Variants in DCHS2 observed in about 807,000 individuals in gnomAD.
The protein encoded by DCHS2 is dachsous cadherin-related 2, also known as protocadherin-23.
Under a neutral mutation model 182.4 loss-of-function variants are expected in DCHS2, and 142 were observed. That is an observed-to-expected ratio of 0.78 (90% CI 0.68 to 0.89). The LOEUF (loss-of-function observed/expected upper bound fraction) is 0.89. DCHS2 is among the 40% of genes least tolerant of loss of function. The pLI is 0.00. For missense variants in DCHS2, 4,319 were observed against 4,198.6 expected (o/e 1.03, Z -0.79); for synonymous variants, 1,740 against 1,663.3 (o/e 1.05, Z -1.12).
intron 16 of DCHS2, among the ~76,000 whole-genome samples, chr4:154,247,714 T>C (rs1732148768): frequency 1.3e-5 from 2 of 150,632 alleles, no homozygotes; most frequent in African/African-American, 4.9e-5. Flanking sequence ...AACACTGGGT[T>C]TCAGAGAATA....
intron 7 of DCHS2, 165 bp from the exon 8 acceptor site, chr4:154,322,653 TAA>T (rs1330538564): frequency 6.0e-6 from 6 of 1,006,680 alleles, no homozygotes; most frequent in Non-Finnish European, 8.1e-6. Context: ...CATCACTTTT[TAA>T]AAATTTTTAT....
chr4:154,403,247 T>C (rs933289712), intron 1 of DCHS2, among the ~76,000 whole-genome samples: 1 of 152,186 alleles, frequency 6.6e-6, no homozygotes, highest in Non-Finnish European at 1.5e-5. Context: ...TTCCTAATCT[T>C]AGGAGGAAAG....
chr4:154,354,191 G>A (rs892583755), intron 3 of DCHS2, among the ~76,000 whole-genome samples: 18 of 152,160 alleles, frequency 1.2e-4, no homozygotes, highest in Admixed American at 1.3e-4. Context: ...CTCCCAAAGT[G>A]TTAGGATTAC....
intron 3 of DCHS2, among the ~76,000 whole-genome samples, chr4:154,341,193 T>A (rs1468090076): frequency 6.6e-6 from 1 of 151,728 alleles, no homozygotes; most frequent in East Asian, 1.9e-4. Context: ...ACAGTGAAAC[T>A]CCGTCTCTCC....
intron 14 of DCHS2, among the ~76,000 whole-genome samples, chr4:154,267,170 CA>C (rs1444617222): frequency 5.3e-5 from 8 of 152,226 alleles, no homozygotes; most frequent in African/African-American, 1.7e-4. Context: ...TCCAGCATTA[CA>C]TTACATCCAG....
chr4:154,412,053 A>G (rs1397090120), intron 1 of DCHS2, among the ~76,000 whole-genome samples: 1 of 152,248 alleles, frequency 6.6e-6, no homozygotes, highest in Non-Finnish European at 1.5e-5. Context: ...AATTCTATGT[A>G]CTAATTTACT....
In DCHS2 at chr4:154,425,462, G is replaced by C. The variant is rs559012816; in HGVS notation, c.2053-48018C>G. Among the ~76,000 whole-genome samples, 13 of 152,258 alleles carry C rather than the reference G, an allele frequency of 8.5e-5. No individual in the cohort carries two copies. The East Asian group carries it at 2.3e-3, about 27-fold the overall frequency. On this transcript the variant is annotated intron_variant, in intron 1 of 19. Coordinates refer to ENST00000357232, the MANE Select transcript of DCHS2 (RefSeq NM_001358235.2). ...TGTTGCTGAAAAACATCTAGAAAAA[G>C]TACAAACTCACTGCCCTATTTAGAA...
At chr4:154,292,422 A>T (rs1291631742) in intron 13 of DCHS2, among the ~76,000 whole-genome samples, 1 of 152,144 alleles carries the variant, frequency 6.6e-6, no homozygotes, top group Non-Finnish European at 1.5e-5. Flanking sequence ...CCACTCCCAA[A>T]ATCCCAATTC....
intron 12 of DCHS2, among the ~76,000 whole-genome samples, chr4:154,302,851 A>C (rs1735262141): frequency 6.8e-6 from 1 of 147,650 alleles, no homozygotes; most frequent in East Asian, 1.9e-4. Context: ...CACATATATG[A>C]AATATATATA....
intron 2 of DCHS2, chr4:154,374,021 A>AC: frequency 1.5e-6 from 2 of 1,339,474 alleles, no homozygotes; most frequent in Non-Finnish European, 2.1e-6. Flanking sequence ...AAAAAAAAAA[A>AC]AAAACTTGCT....
chr4:154,291,266 CTT>C (rs1012049202), intron 13 of DCHS2, among the ~76,000 whole-genome samples: 47 of 151,750 alleles, frequency 3.1e-4, no homozygotes, highest in African/African-American at 1.0e-3. Context: ...TTTAAAATGA[CTT>C]ATATCCAAAA....
chr4:154,270,189 A>G (rs1363720472), intron 13 of DCHS2, among the ~76,000 whole-genome samples, 176 bp from the exon 14 acceptor site: 2 of 152,172 alleles, frequency 1.3e-5, no homozygotes, highest in African/African-American at 2.4e-5. Context: ...GGGATATACT[A>G]GCAAACAAGA....
chr4:154,390,094 TTTTTTTAAA>T (rs145571708), intron 1 of DCHS2, among the ~76,000 whole-genome samples: 7,725 of 151,608 alleles, frequency 0.051, 209 homozygotes, highest in African/African-American at 0.061. Flanking sequence ...TTTTTTTTTA[TTTTTTTAAA>T]TTTTTTTATT....
At position 154,350,225 on chromosome 4, in the gene DCHS2, T is replaced by A. The variant is rs543050978; in HGVS notation, c.2477-15121A>T. ...TAACTTTCTGAAAAAGTTGTTCTTA[T>A]CTCCAAGACATATTACCCTGAATTT... On this transcript the variant is annotated intron_variant, in intron 3 of 19. Transcript: ENST00000357232. Among the ~76,000 whole-genome samples, 81 of 152,322 alleles carry A rather than the reference T, an allele frequency of 5.3e-4. 1 individual carries two copies. The South Asian group carries it at 0.017, about 31-fold the overall frequency.
chr4:154,296,377 G>A (rs1578929509), intron 13 of DCHS2, among the ~76,000 whole-genome samples: 1 of 152,144 alleles, frequency 6.6e-6, no homozygotes, highest in South Asian at 2.1e-4. Context: ...AGAGCGGGGA[G>A]TCACTTGGTT....
At position 154,332,994 on chromosome 4, in the gene DCHS2, C is replaced by T. The variant is rs74422312; in HGVS notation, c.3214G>A (p.Val1072Ile). ...PQAALLVLTV[V>I]IEKREHSPSW... is the part of the protein sequence containing the mutation. ...GGGCTGTGTTCGCGTTTCTCGATAACGACTGTCAGCACCAGCAGGGCTGCC... is the reference window on the plus strand; with the variant it reads ...GGGCTGTGTTCGCGTTTCTCGATAATGACTGTCAGCACCAGCAGGGCTGCC... The change falls in exon 5 of 20, where the codon GTT becomes ATT. Residue 1072 changes from valine (V) to isoleucine (I), a missense_variant. Physicochemically the swap from Val to Ile is conservative, Grantham distance 29. Coordinates refer to ENST00000357232, the MANE Select transcript of DCHS2 (RefSeq NM_001358235.2). 2.5e-6 allele frequency: 4 copies of T among 1,614,172 alleles called. No individual in the cohort carries two copies. The African/African-American group carries it at 5.3e-5, about 22-fold the overall frequency.
At chr4:154,377,158 G>A in intron 2 of DCHS2, 95 bp downstream of exon 2, 6 of 1,215,818 alleles carry the variant, frequency 4.9e-6, no homozygotes, top group Non-Finnish European at 6.8e-6. Context: ...GAAACAGAAT[G>A]ACCCAATTGT....
chr4:154,338,440 T>C (rs1292587336), intron 3 of DCHS2, among the ~76,000 whole-genome samples: 1 of 152,116 alleles, frequency 6.6e-6, no homozygotes, highest in African/African-American at 2.4e-5. Context: ...ATAATGAAAA[T>C]ACAAAATTAA....
chr4:154,378,550 A>AAGGAAGGG (rs1193518771), intron 1 of DCHS2, among the ~76,000 whole-genome samples: 1 of 151,172 alleles, frequency 6.6e-6, no homozygotes, highest in African/African-American at 2.4e-5. Flanking sequence ...GGAAGGAAGG[A>AAGGAAGGG]AGGAAGGAAG....
Sources: allele counts gnomAD v4.1 joint callset (sites outside exome capture counted in the v4.1 genomes callset), GRCh38; gene constraint gnomAD v4.1.1; transcripts MANE v1.5; gene names NCBI Gene and HGNC (gene_info 2026-07-23, HGNC 2026-07-21).